NF2: variants seen among roughly 807,000 people sequenced by gnomAD.
NF2 encodes NF2, moesin-ezrin-radixin like (MERLIN) tumor suppressor.
Under a neutral mutation model 83.7 loss-of-function variants are expected in NF2, and 8 were observed. The ratio of observed to expected loss-of-function variants is 0.10; its 90% CI spans 0.06 to 0.17. The LOEUF (loss-of-function observed/expected upper bound fraction) is 0.17, where lower values mean the gene tolerates loss of function less well. Ranked by LOEUF, NF2 falls within the 10% of genes least tolerant of loss-of-function variation. The pLI, the probability that NF2 is intolerant of heterozygous loss-of-function variation, is 1.00. For missense variants in NF2, 533 were observed against 744.4 expected, an observed-to-expected ratio of 0.72 and a Z score of 3.31; for synonymous variants, 266 against 269.6, an observed-to-expected ratio of 0.99 and a Z score of 0.13.
At chr22:29,663,503 T>G (rs1051825343) in intron 8 of NF2, among the ~76,000 whole-genome samples, 1 of 152,264 alleles carries the variant, frequency 6.6e-6, no homozygotes, top group African/African-American at 2.4e-5. Context: ...TTTTAAATGA[T>G]CCATTGATTC....
chr22:29,664,960 C>G (rs373071284), intron 8 of NF2, 30 bp from the exon 9 acceptor site: 27 of 1,530,218 alleles, frequency 1.8e-5, no homozygotes, highest in Non-Finnish European at 2.3e-5. Flanking sequence ...GGCTGTCGGA[C>G]TGAAACTGTG....
At chr22:29,606,825 C>G (rs1042745079) in intron 1 of NF2, among the ~76,000 whole-genome samples, 40 of 152,316 alleles carry the variant, frequency 2.6e-4, no homozygotes, top group Middle Eastern at 6.8e-3. Context: ...GCAGGCAGAT[C>G]ATCTGAGGTC....
At chr22:29,642,010 C>A (rs2065823963) in intron 3 of NF2, among the ~76,000 whole-genome samples, 192 bp from the exon 4 acceptor site, 1 of 152,130 alleles carries the variant, frequency 6.6e-6, no homozygotes, top group African/African-American at 2.4e-5. Context: ...AGCCGTCATA[C>A]CAGTAACTTC....
At chr22:29,677,405 A>G (rs1446522207) in intron 13 of NF2, among the ~76,000 whole-genome samples, 5 of 151,836 alleles carry the variant, frequency 3.3e-5, no homozygotes, top group South Asian at 2.1e-4. Flanking sequence ...ATAATAAACA[A>G]TACTGTCTGT....
intron 1 of NF2, among the ~76,000 whole-genome samples, chr22:29,625,222 C>T (rs899552361): frequency 4.6e-5 from 7 of 152,138 alleles, no homozygotes; most frequent in South Asian, 2.1e-4. Context: ...CCATTGCACC[C>T]GGCCAGATCT....
chr22:29,642,149 C>T (rs1052770311), intron 3 of NF2, 53 bp from the exon 4 acceptor site: 2 of 1,423,060 alleles, frequency 1.4e-6, no homozygotes, highest in South Asian at 1.1e-5. Context: ...GATCAGCCTA[C>T]ACACCTCACT....
intron 1 of NF2, among the ~76,000 whole-genome samples, chr22:29,621,714 A>T (rs1055948646): frequency 6.6e-6 from 1 of 152,082 alleles, no homozygotes; most frequent in African/African-American, 2.4e-5. Context: ...AAAGGAAATA[A>T]GTTCAGTGCC....
At chr22:29,693,681 G>T (rs147792094) in intron 15 of NF2, among the ~76,000 whole-genome samples, 1 of 152,296 alleles carries the variant, frequency 6.6e-6, no homozygotes, top group East Asian at 1.9e-4. Context: ...TTCTCAGCCG[G>T]GTGTGGAGCT....
Position 29,610,288 on chromosome 22 carries a change from G to A in NF2, c.114+6176G>A, listed in dbSNP as rs184486957. On this transcript the variant is annotated intron_variant, in intron 1 of 15. Coordinates refer to ENST00000338641, the MANE Select transcript of NF2 (RefSeq NM_000268.4). Reference sequence around the variant, plus strand: ...TTGATCCCAGGAGGTTGAGGAGGCAGTGAGCTATGATTGTGCCACAGTGCT... The same window carrying A: ...TTGATCCCAGGAGGTTGAGGAGGCAATGAGCTATGATTGTGCCACAGTGCT... Among the ~76,000 whole-genome samples, 3 of 152,170 alleles carry A rather than the reference G, an allele frequency of 2.0e-5. No individual in the cohort carries two copies. In the East Asian group the frequency reaches 5.8e-4, roughly 29 times the overall value.
intron 14 of NF2, among the ~76,000 whole-genome samples, chr22:29,679,879 A>C (rs1271523608): frequency 2.6e-5 from 4 of 151,408 alleles, no homozygotes; most frequent in Non-Finnish European, 4.4e-5. Flanking sequence ...AAAAAAAAAA[A>C]GAAAAGAAAG....
intron 1 of NF2, among the ~76,000 whole-genome samples, chr22:29,607,585 T>TTA (rs2064831991): frequency 6.6e-6 from 1 of 152,154 alleles, no homozygotes; most frequent in Non-Finnish European, 1.5e-5. Context: ...TTATCTAAAA[T>TTA]GTCCAGTTTC....
At chr22:29,653,814 T>C (rs1277833657) in intron 4 of NF2, among the ~76,000 whole-genome samples, 1 of 152,230 alleles carries the variant, frequency 6.6e-6, no homozygotes, top group Non-Finnish European at 1.5e-5. Context: ...TGTTTATAGA[T>C]TATACTGAAG....
At chr22:29,665,677 A>G (rs2066600068) in intron 9 of NF2, among the ~76,000 whole-genome samples, 1 of 151,908 alleles carries the variant, frequency 6.6e-6, no homozygotes, top group African/African-American at 2.4e-5. Context: ...GAAATAGCAC[A>G]GTCCTGGCCG....
At chr22:29,660,531 A>G (rs575538739) in intron 7 of NF2, among the ~76,000 whole-genome samples, 3 of 152,302 alleles carry the variant, frequency 2.0e-5, no homozygotes, top group Non-Finnish European at 2.9e-5. Context: ...TAGTCCAACA[A>G]TGGTTTCTTT....
chr22:29,678,400 G>GAGGTGAGAGGTCTGCT, intron 14 of NF2, 77 bp downstream of exon 14: 1 of 1,562,666 alleles, frequency 6.4e-7, no homozygotes, highest in Non-Finnish European at 8.8e-7. Context: ...AGCTGGGGCA[G>GAGGTGAGAGGTCTGCT]AGGTGAGAGG....
rs371270318 is a variant in NF2 at position 29,639,095 on chromosome 22, G to A, written c.246G>A (p.Leu82=). 640 of 1,614,074 alleles carry A rather than the reference G, an allele frequency of 4.0e-4. 3 individuals are homozygous for A. The highest frequency in any genetic ancestry group is 5.1e-4 in the Non-Finnish European group (596 of 1,180,044). The change falls in exon 3 of 16, where the codon CTG becomes CTA. Residue 82 remains leucine (L), a synonymous_variant. Transcript: ENST00000338641. ...VAWLKMDKKV[L]DHDVSKEEPV... is the part of the protein sequence containing the mutation. ...TTTGCTCTGCAATTCTGCAGGTACT[G>A]GATCATGATGTTTCAAAGGAAGAAC...
Position 29,669,984 on chromosome 22 carries a change from G to A in NF2, c.999+1538G>A, listed in dbSNP as rs557191388. Among the ~76,000 whole-genome samples, 168 of 152,204 alleles carry A rather than the reference G, an allele frequency of 1.1e-3. 1 individual carries two copies. The highest frequency in any genetic ancestry group is 3.9e-3 in the African/African-American group (162 of 41,524). ...GGTCTCAGGGAAAGTACAGGGCCAG[G>A]AACTGAAGGAGATTACCTGGCTTTT... On this transcript the variant is annotated intron_variant, in intron 10 of 15. Transcript: ENST00000338641.
chr22:29,635,731 A>G (rs999547359), intron 1 of NF2, among the ~76,000 whole-genome samples: 1 of 152,182 alleles, frequency 6.6e-6, no homozygotes, highest in African/African-American at 2.4e-5. Flanking sequence ...ATGCTTCTGC[A>G]ATTGAGTGGT....
chr22:29,616,603 G>A (rs2065086870), intron 1 of NF2, among the ~76,000 whole-genome samples: 1 of 152,220 alleles, frequency 6.6e-6, no homozygotes, highest in Admixed American at 6.5e-5. Context: ...TTAGCTGGGC[G>A]TGATGGCACA....
Sources: allele counts gnomAD v4.1 joint callset (sites outside exome capture counted in the v4.1 genomes callset), GRCh38; gene constraint gnomAD v4.1.1; transcripts MANE v1.5; gene names NCBI Gene and HGNC (gene_info 2026-07-23, HGNC 2026-07-21).